GAS7: variants seen among roughly 807,000 people sequenced by gnomAD.
GAS7 encodes the protein growth arrest-specific protein 7.
A neutral mutation model predicts 71.1 loss-of-function variants in GAS7; 28 were observed. That is an observed-to-expected ratio of 0.39 (90% CI 0.29 to 0.54). The LOEUF (loss-of-function observed/expected upper bound fraction) is 0.54, where lower values mean the gene tolerates loss of function less well. GAS7 is among the 20% of genes least tolerant of loss of function. GAS7 has a pLI of 0.62. For missense variants in GAS7, 436 were observed against 627.8 expected, an observed-to-expected ratio of 0.69 and a Z score of 3.27; for synonymous variants, 258 against 245.8, an observed-to-expected ratio of 1.05 and a Z score of -0.46.
intron 1 of GAS7, among the ~76,000 whole-genome samples, chr17:10,105,321 T>C (rs958471921): frequency 6.6e-6 from 1 of 152,098 alleles, no homozygotes; most frequent in African/African-American, 2.4e-5. Context: ...GCCCCTCCTC[T>C]GATCTTCTCC....
At chr17:10,066,990 A>T (rs2073288215) in intron 1 of GAS7, among the ~76,000 whole-genome samples, 1 of 152,210 alleles carries the variant, frequency 6.6e-6, no homozygotes, top group Non-Finnish European at 1.5e-5. Context: ...AGTATTAATA[A>T]TAATACCTGT....
At chr17:10,170,744 C>T (rs980693443) in intron 1 of GAS7, among the ~76,000 whole-genome samples, 2 of 152,196 alleles carry the variant, frequency 1.3e-5, no homozygotes, top group African/African-American at 4.8e-5. Context: ...TGGCACTGAA[C>T]GAGCGTTTGT....
intron 1 of GAS7, among the ~76,000 whole-genome samples, chr17:10,128,911 C>T (rs934119726): frequency 6.6e-6 from 1 of 152,214 alleles, no homozygotes; most frequent in South Asian, 2.1e-4. Context: ...GCGTGAGTCA[C>T]TGCACCCGGC....
chr17:10,039,227 TAA>T (rs34319435), intron 1 of GAS7, among the ~76,000 whole-genome samples: 5 of 144,682 alleles, frequency 3.5e-5, no homozygotes, highest in South Asian at 2.2e-4. Flanking sequence ...TTGCCATGAT[TAA>T]AAAAAAAAAG....
chr17:10,087,905 C>T (rs967060385), intron 1 of GAS7, among the ~76,000 whole-genome samples: 1 of 152,088 alleles, frequency 6.6e-6, no homozygotes, highest in Non-Finnish European at 1.5e-5. Context: ...CTTTGGTGCC[C>T]CCATCCTCGC....
At chr17:10,085,333 C>G (rs1481824907) in intron 1 of GAS7, among the ~76,000 whole-genome samples, 4 of 152,160 alleles carry the variant, frequency 2.6e-5, no homozygotes, top group African/African-American at 9.7e-5. Context: ...GCCAACTTCT[C>G]AGGATCTCGA....
At chr17:10,086,559 G>A (rs1025665333) in intron 1 of GAS7, among the ~76,000 whole-genome samples, 10 of 152,342 alleles carry the variant, frequency 6.6e-5, no homozygotes, top group African/African-American at 2.4e-4. Context: ...GCCAAAGGTA[G>A]GGTAGGGAAT....
At chr17:9,931,149 G>A (rs1017054988) in intron 9 of GAS7, among the ~76,000 whole-genome samples, 4 of 152,200 alleles carry the variant, frequency 2.6e-5, no homozygotes, top group African/African-American at 4.8e-5. Flanking sequence ...TCTCCCATTC[G>A]CTCAGTCCTT....
intron 1 of GAS7, among the ~76,000 whole-genome samples, chr17:10,081,313 C>G (rs1298329476): frequency 6.7e-6 from 1 of 150,308 alleles, no homozygotes; most frequent in Non-Finnish European, 1.5e-5. Flanking sequence ...TGCCACCACA[C>G]CCAGCTAATT....
chr17:10,131,246 C>A (rs2073994704), intron 1 of GAS7, among the ~76,000 whole-genome samples: 1 of 152,216 alleles, frequency 6.6e-6, no homozygotes, highest in Non-Finnish European at 1.5e-5. Context: ...ACTTTCCCAC[C>A]TAAACTTTAA....
chr17:10,181,295 G>A (rs1388920623), intron 1 of GAS7, among the ~76,000 whole-genome samples: 2 of 151,816 alleles, frequency 1.3e-5, no homozygotes, highest in East Asian at 1.9e-4. Context: ...AGGAGGTGGA[G>A]ATTGCAGTGA....
chr17:9,919,657 T>G lies in GAS7; in HGVS notation c.1187A>C (p.Lys396Thr). ...GGTGGTCACCATCTCTTCAAACCAT[T>G]TGGACTGGGCCTGGTTGTAGAGATC... ...CVDLYNQAQS[K>T]WFEEMVTTTL... Residue 396 changes from lysine to threonine, a missense_variant, in exon 12 of 14, where the codon AAA (lysine) becomes ACA (threonine). By Grantham distance (78) the Lys-to-Thr change is moderately conservative. Coordinates refer to ENST00000432992, the MANE Select transcript of GAS7 (RefSeq NM_201433.2). This position sits in a 1 kb window ranked among gnomAD's most constrained non-coding sequence, Gnocchi z 5.0. 1 of 1,613,762 alleles carries G rather than the reference T, an allele frequency of 6.2e-7. No homozygotes were observed. The highest frequency in any genetic ancestry group is 2.2e-5 in the East Asian group (1 of 44,880).
At chr17:9,920,066 T>A (rs2067748686) in intron 11 of GAS7, among the ~76,000 whole-genome samples, 1 of 148,632 alleles carries the variant, frequency 6.7e-6, no homozygotes, top group South Asian at 2.1e-4. Context: ...AAGAAATGCT[T>A]CCCTCTCTAA....
chr17:10,132,523 T>C (rs962039489), intron 1 of GAS7, among the ~76,000 whole-genome samples: 1 of 152,196 alleles, frequency 6.6e-6, no homozygotes, highest in African/African-American at 2.4e-5. Context: ...CCCAGCACTT[T>C]GGGAGGCCGA....
chr17:10,163,462 G>T (rs1290344892), intron 1 of GAS7, among the ~76,000 whole-genome samples: 1 of 151,682 alleles, frequency 6.6e-6, no homozygotes, highest in Non-Finnish European at 1.5e-5. Flanking sequence ...AAAAGAAAGG[G>T]AAACATAGAT....
intron 1 of GAS7, among the ~76,000 whole-genome samples, chr17:10,047,558 C>A (rs1355355463): frequency 6.6e-6 from 1 of 152,088 alleles, no homozygotes; most frequent in East Asian, 1.9e-4. Context: ...GAAACACCAT[C>A]CTGAAAGCAC....
intron 1 of GAS7, among the ~76,000 whole-genome samples, chr17:10,054,673 C>T (rs1268035006): frequency 2.0e-5 from 3 of 152,136 alleles, no homozygotes; most frequent in African/African-American, 7.2e-5. Context: ...AATTGAATAC[C>T]ACCCACCTTA....
chr17:9,916,908 G>A lies in GAS7; in HGVS notation c.*320C>T, dbSNP rs2067599499. On this transcript the variant is annotated 3_prime_UTR_variant, in exon 14 of 14. Transcript: ENST00000432992. ...CTTGGGGCTTCCAGGGCACAAGCAT[G>A]TGACAGTGACCCCTACAAAACTCGG... 1 of 490,334 alleles carries A rather than the reference G, an allele frequency of 2.0e-6. No homozygotes were observed. The highest frequency in any genetic ancestry group is 3.6e-6 in the Non-Finnish European group (1 of 276,630). 30.4% of individuals were successfully genotyped at this position (490,334 alleles called of 1,614,324 possible). A position where few individuals can be genotyped will look rare whatever the true frequency, so the allele number is the denominator to read the frequency against.
At chr17:10,100,150 G>C (rs2073684676) in intron 1 of GAS7, among the ~76,000 whole-genome samples, 1 of 152,152 alleles carries the variant, frequency 6.6e-6, no homozygotes, top group Non-Finnish European at 1.5e-5. Flanking sequence ...AAATATAATT[G>C]AACTGAACAA....
Sources: gnomAD v4.1 joint callset for allele counts (sites outside exome capture counted in the v4.1 genomes callset) on GRCh38, gnomAD v4.1.1 for gene constraint, Gnocchi (gnomAD v3.1) non-coding constraint, MANE v1.5 for transcripts, NCBI Gene and HGNC (gene_info 2026-07-23, HGNC 2026-07-21) for gene names.